ZNF567: variants seen among roughly 807,000 people sequenced by gnomAD.
ZNF567 encodes the protein zinc finger protein 567.
Under a neutral mutation model 53.9 loss-of-function variants are expected in ZNF567, and 36 were observed. That is an observed-to-expected ratio of 0.67 (90% CI 0.51 to 0.88). ZNF567 has a LOEUF of 0.88. Among genes scored for constraint, ZNF567 ranks in the 40% least tolerant of loss-of-function variants. ZNF567 has a pLI of 0.00. For synonymous variants in ZNF567, 224 were observed against 260.4 expected, an observed-to-expected ratio of 0.86 and a Z score of 1.35; for missense variants, 619 against 764.7, an observed-to-expected ratio of 0.81 and a Z score of 2.25.
chr19:36,700,118 A>C (rs1334010549), intron 3 of ZNF567, among the ~76,000 whole-genome samples: 1 of 135,708 alleles, frequency 7.4e-6, no homozygotes, highest in Non-Finnish European at 1.6e-5. Context: ...ATTTATTGAG[A>C]GTTTTTAGCA....
chr19:36,696,356 T>C (rs1432772393), intron 3 of ZNF567, among the ~76,000 whole-genome samples: 1 of 152,234 alleles, frequency 6.6e-6, no homozygotes, highest in African/African-American at 2.4e-5. Context: ...ATTCTAATGC[T>C]GCTCAAGTAA....
intron 5 of ZNF567, 91 bp from the exon 6 acceptor site, chr19:36,718,857 T>A (rs2040185115): frequency 4.7e-6 from 5 of 1,074,310 alleles, no homozygotes; most frequent in Middle Eastern, 3.2e-4. Context: ...CTGAGTCTCT[T>A]TTTGCGCCAT....
chr19:36,720,637 C>T lies in ZNF567; in HGVS notation c.1913C>T (p.Thr638Ile). ...YKRNLIVHQR[T>I]HKGENIEMQ is the part of the protein sequence containing the mutation. Reference sequence around the variant, plus strand: ...AGAAACCTCATTGTCCATCAAAGAACTCACAAGGGAGAAAACATTGAAATG... The same window carrying T: ...AGAAACCTCATTGTCCATCAAAGAATTCACAAGGGAGAAAACATTGAAATG... Residue 638 changes from threonine to isoleucine, a missense_variant, in exon 6 of 6, where the codon ACT becomes ATT. Transcript: ENST00000682579. The T allele has an allele frequency of 6.4e-7, 1 of 1,559,424 alleles. No homozygotes were observed. Among genetic ancestry groups the T allele is most frequent in the African/African-American group, 1.4e-5 (1 of 72,820 alleles).
intron 3 of ZNF567, among the ~76,000 whole-genome samples, chr19:36,698,048 A>G (rs2038980244): frequency 6.6e-6 from 1 of 150,738 alleles, no homozygotes; most frequent in South Asian, 2.1e-4. Context: ...AGCATTAGGT[A>G]TATCTCCTAA....
At chr19:36,698,079 C>G (rs1438692516) in intron 3 of ZNF567, among the ~76,000 whole-genome samples, 1 of 151,984 alleles carries the variant, frequency 6.6e-6, no homozygotes, top group Non-Finnish European at 1.5e-5. Flanking sequence ...CCCCCCTCTC[C>G]CCACCCGACA....
Position 36,719,348 on chromosome 19 carries a change from G to T in ZNF567, c.624G>T (p.Gln208His). 1 of 1,613,796 alleles carries T rather than the reference G, an allele frequency of 6.2e-7. No homozygotes were observed. Among genetic ancestry groups the T allele is most frequent in the South Asian group, 1.1e-5 (1 of 91,002 alleles). ...ATCAGAAAACGGAAACTCCAGCACAGTCATTTGGATATAATGACTGTGAGA... is the reference window on the plus strand; with the variant it reads ...ATCAGAAAACGGAAACTCCAGCACATTCATTTGGATATAATGACTGTGAGA... ...MQYQKTETPA[Q>H]SFGYNDCEKS... The change falls in exon 6 of 6, where the codon CAG (glutamine) becomes CAT (histidine). Residue 208 changes from glutamine (Q) to histidine (H), a missense_variant. Gln to His is a conservative substitution (Grantham distance 24). Coordinates refer to ENST00000682579, the MANE Select transcript of ZNF567 (RefSeq NM_001322917.1).
At chr19:36,703,703 C>T (rs940040406) in intron 3 of ZNF567, 3 of 163,328 alleles carry the variant, frequency 1.8e-5, no homozygotes, top group African/African-American at 2.4e-5. Flanking sequence ...TAGCAATCAG[C>T]GAGACTCCGT....
intron 4 of ZNF567, 89 bp downstream of exon 4, chr19:36,712,601 G>A: frequency 1.3e-6 from 2 of 1,556,160 alleles, no homozygotes; most frequent in South Asian, 2.3e-5. Flanking sequence ...AGGAATAAGA[G>A]GTGATGAATT....
downstream of ZNF567, among the ~76,000 whole-genome samples, chr19:36,721,742 T>TC (rs769086586): frequency 0.51 from 51,841 of 100,800 alleles, 13,037 homozygotes; most frequent in East Asian, 0.67. Flanking sequence ...CTTTTTTTTT[T>TC]TCTTTTTTTT....
In ZNF567 at chr19:36,692,548, T is replaced by C. The variant is rs142170481; in HGVS notation, c.-66-2254T>C. Reference sequence around the variant, plus strand: ...CCCCCATGCTGGCTAATTTGTGTATTTTTATTTTGTAGAGACAGAGTCTCA... The same window carrying C: ...CCCCCATGCTGGCTAATTTGTGTATCTTTATTTTGTAGAGACAGAGTCTCA... On this transcript the variant is annotated intron_variant, in intron 2 of 5. Coordinates refer to ENST00000682579, the MANE Select transcript of ZNF567 (RefSeq NM_001322917.1). Among the ~76,000 whole-genome samples the C allele has an allele frequency of 2.3e-3, 344 of 152,168 alleles. 1 individual carries two copies. The highest frequency in any genetic ancestry group is 7.7e-3 in the African/African-American group (320 of 41,506).
intron 3 of ZNF567, among the ~76,000 whole-genome samples, chr19:36,708,185 C>T (rs957722238): frequency 4.6e-5 from 7 of 152,210 alleles, no homozygotes; most frequent in African/African-American, 1.7e-4. Flanking sequence ...CCACTGTGCC[C>T]AGCCCATCTT....
downstream of ZNF567, among the ~76,000 whole-genome samples, chr19:36,724,024 TTGA>T (rs2040324047): frequency 8.8e-6 from 1 of 113,700 alleles, no homozygotes; most frequent in South Asian, 2.8e-4. Context: ...TTTTTTTTTT[TTGA>T]GACAGTTTCA....
At chr19:36,703,338 G>GT (rs111984563) in intron 3 of ZNF567, among the ~76,000 whole-genome samples, 24 of 138,410 alleles carry the variant, frequency 1.7e-4, no homozygotes, top group African/African-American at 7.9e-4. Context: ...TGCCCCTACT[G>GT]GGGGGGGTGC....
rs772688876 is a variant in ZNF567, at chr19:36,719,840, G to A, written c.1116G>A (p.Lys372=). The change falls in exon 6 of 6, where the codon AAG becomes AAA. Residue 372 remains lysine, a synonymous_variant. Coordinates refer to ENST00000682579, the MANE Select transcript of ZNF567 (RefSeq NM_001322917.1). ...CATATGAGTGTAATGACTGTGGGAAGTCCTTCCGCCAGAAGACAACACTCT... is the reference window on the plus strand; with the variant it reads ...CATATGAGTGTAATGACTGTGGGAAATCCTTCCGCCAGAAGACAACACTCT... The part of the protein sequence containing the change: ...EKPYECNDCG[K]SFRQKTTLSL... 1 of 1,613,804 alleles carries A rather than the reference G, an allele frequency of 6.2e-7. No individual in the cohort carries two copies. Among genetic ancestry groups the A allele is most frequent in the East Asian group, 2.2e-5 (1 of 44,810 alleles).
chr19:36,691,497 C>A (rs1216398390), intron 2 of ZNF567, among the ~76,000 whole-genome samples: 1 of 152,068 alleles, frequency 6.6e-6, no homozygotes, highest in African/African-American at 2.4e-5. Context: ...CAAAAGCAAC[C>A]GAATATTATA....
At chr19:36,682,523 G>A in the ZNF567 span, among the ~76,000 whole-genome samples, 1 of 150,830 alleles carries the variant, frequency 6.6e-6, no homozygotes, top group African/African-American at 2.4e-5. Flanking sequence ...GAGATATGAG[G>A]GAGCCTTCTG....
chr19:36,709,745 T>G (rs1479674243), intron 3 of ZNF567, among the ~76,000 whole-genome samples: 2 of 152,212 alleles, frequency 1.3e-5, no homozygotes, highest in Non-Finnish European at 2.9e-5. Context: ...ATTACAAAAG[T>G]AAGCCACCAC....
Position 36,699,466 on chromosome 19 carries a change from G to T in ZNF567, c.9+4590G>T, listed in dbSNP as rs889090992. Among the ~76,000 whole-genome samples the T allele has an allele frequency of 7.9e-4, 120 of 152,270 alleles. 1 individual carries two copies. The highest frequency in any genetic ancestry group is 3.9e-4 in the East Asian group (2 of 5,176). ...TTTTCCAATTCTGTGAAGAAAGTCA[G>T]TGGTAGCTTGATGGGGATGGCATTG... On this transcript the variant is annotated intron_variant, in intron 3 of 5. Transcript: ENST00000682579.
intron 5 of ZNF567, among the ~76,000 whole-genome samples, chr19:36,716,425 C>G (rs2040068794): frequency 6.6e-6 from 1 of 152,148 alleles, no homozygotes; most frequent in Non-Finnish European, 1.5e-5. Flanking sequence ...GACTATAACA[C>G]AAACATGCAC....
Sources: allele counts gnomAD v4.1 joint callset (sites outside exome capture counted in the v4.1 genomes callset), GRCh38; gene constraint gnomAD v4.1.1; transcripts MANE v1.5; gene names NCBI Gene and HGNC (gene_info 2026-07-23, HGNC 2026-07-21).